The following ROBO2 variants were observed in gnomAD, a reference collection of about 807,000 sequenced individuals.
The protein encoded by ROBO2 is roundabout guidance receptor 2, also known as roundabout homolog 2.
In ROBO2, 53 loss-of-function variants were observed where a neutral mutation model predicts 160.8. That is an observed-to-expected ratio of 0.33 (90% confidence interval 0.26 to 0.41). ROBO2 has a LOEUF of 0.41. ROBO2 is among the 10% of genes least tolerant of loss of function. ROBO2 has a pLI of 1.00. For missense variants in ROBO2, 1,577 were observed against 1,722.4 expected (o/e 0.92, Z 1.49); for synonymous variants, 664 against 611.7 (o/e 1.09, Z -1.26).
At chr3:77,288,038 G>GA (rs1471819964) in intron 2 of ROBO2, among the ~76,000 whole-genome samples, 1 of 152,166 alleles carries the variant, frequency 6.6e-6, no homozygotes, top group Non-Finnish European at 1.5e-5. Context: ...TTAGGTTCAT[G>GA]AAAAACTCTT....
chr3:77,162,031 A>G (rs898501872), intron 2 of ROBO2, among the ~76,000 whole-genome samples: 1 of 152,222 alleles, frequency 6.6e-6, no homozygotes, highest in African/African-American at 2.4e-5. Context: ...AGCTATAGAT[A>G]TAATTCATCT....
chr3:76,163,949 C>T (rs1299316600), intron 2 of ROBO2, among the ~76,000 whole-genome samples: 2 of 152,124 alleles, frequency 1.3e-5, no homozygotes, highest in Non-Finnish European at 2.9e-5. Flanking sequence ...CCTTCTTTCA[C>T]AAAAGATTTC....
At chr3:76,333,601 A>C (rs1167228542) in intron 2 of ROBO2, among the ~76,000 whole-genome samples, 1 of 152,200 alleles carries the variant, frequency 6.6e-6, no homozygotes, top group Non-Finnish European at 1.5e-5. Context: ...AAAAGCATTC[A>C]ACCAGAATGG....
At chr3:76,781,836 G>A (rs1009473557) in intron 2 of ROBO2, among the ~76,000 whole-genome samples, 2 of 150,776 alleles carry the variant, frequency 1.3e-5, no homozygotes, top group African/African-American at 4.8e-5. Context: ...TTCTTGTAAT[G>A]TTCTTGCCCG....
intron 2 of ROBO2, among the ~76,000 whole-genome samples, chr3:76,928,274 T>C (rs756164369): frequency 9.9e-5 from 15 of 152,018 alleles, no homozygotes; most frequent in South Asian, 2.1e-4. Context: ...AGGGAACAAA[T>C]TCCCCCCAGA....
chr3:76,335,178 G>GTTTTTTTT (rs34963831), intron 2 of ROBO2, among the ~76,000 whole-genome samples: 22 of 77,868 alleles, frequency 2.8e-4, no homozygotes, highest in Non-Finnish European at 4.4e-4. Flanking sequence ...TTTCTGTTTT[G>GTTTTTTTT]TTTTTTTTTT....
intron 2 of ROBO2, among the ~76,000 whole-genome samples, chr3:76,528,871 G>A (rs913936921): frequency 6.6e-6 from 1 of 152,220 alleles, no homozygotes; most frequent in East Asian, 1.9e-4. Context: ...GAGGCAAAAT[G>A]CAAAGTGCAG....
chr3:76,040,030 G>A (rs949531755), intron 2 of ROBO2, among the ~76,000 whole-genome samples: 9 of 151,768 alleles, frequency 5.9e-5, no homozygotes, highest in Non-Finnish European at 1.3e-4. Flanking sequence ...GACTTCTTTT[G>A]TCTTCTTTTT....
At chr3:76,937,141 G>A (rs1483351713) in intron 2 of ROBO2, among the ~76,000 whole-genome samples, 1 of 152,054 alleles carries the variant, frequency 6.6e-6, no homozygotes, top group Non-Finnish European at 1.5e-5. Context: ...CTTTTGTCAC[G>A]TTTAATCTTT....
chr3:75,977,811 A>C (rs565358399), intron 2 of ROBO2, among the ~76,000 whole-genome samples: 1 of 151,526 alleles, frequency 6.6e-6, no homozygotes, highest in Non-Finnish European at 1.5e-5. Flanking sequence ...TATTTTCACT[A>C]TTTACAACTT....
At chr3:76,613,545 A>G (rs2088317357) in intron 2 of ROBO2, among the ~76,000 whole-genome samples, 1 of 151,990 alleles carries the variant, frequency 6.6e-6, no homozygotes, top group African/African-American at 2.4e-5. Flanking sequence ...ATTTAATTGT[A>G]AATACCTGTT....
intron 2 of ROBO2, among the ~76,000 whole-genome samples, chr3:76,953,101 A>AT (rs2079051878): frequency 6.6e-6 from 1 of 152,122 alleles, no homozygotes; most frequent in Non-Finnish European, 1.5e-5. Context: ...TTGAAAGTTG[A>AT]TTTTGATTTA....
intron 2 of ROBO2, among the ~76,000 whole-genome samples, chr3:76,055,317 A>C (rs2067801176): frequency 6.6e-6 from 1 of 152,182 alleles, no homozygotes; most frequent in Non-Finnish European, 1.5e-5. Flanking sequence ...GGCAGACCTT[A>C]TTAATTGTCA....
intron 2 of ROBO2, among the ~76,000 whole-genome samples, chr3:76,402,828 G>A (rs1025817494): frequency 6.6e-6 from 1 of 151,482 alleles, no homozygotes; most frequent in Non-Finnish European, 1.5e-5. Flanking sequence ...CCACTTTTAA[G>A]AACTCATCTG....
chr3:76,489,376 T>G (rs11706657), intron 2 of ROBO2, among the ~76,000 whole-genome samples: 13,256 of 152,114 alleles, frequency 0.087, 687 homozygotes, highest in Middle Eastern at 0.14. Context: ...GAGGAGAGCC[T>G]AGAGTTCTGA....
chr3:76,234,102 T>G (rs970712084), intron 2 of ROBO2, among the ~76,000 whole-genome samples: 1 of 152,212 alleles, frequency 6.6e-6, no homozygotes, highest in African/African-American at 2.4e-5. Flanking sequence ...GTTAGTTTGC[T>G]TAGGATAATG....
At chr3:76,341,881 G>A (rs1480697626) in intron 2 of ROBO2, among the ~76,000 whole-genome samples, 1 of 152,148 alleles carries the variant, frequency 6.6e-6, no homozygotes, top group Non-Finnish European at 1.5e-5. Context: ...TTTCACTATG[G>A]TGGAGACTTC....
intron 2 of ROBO2, among the ~76,000 whole-genome samples, chr3:76,781,052 A>G (rs1341339172): frequency 6.6e-6 from 1 of 150,654 alleles, no homozygotes. Flanking sequence ...ACAAATATGA[A>G]ATATTTTTCT....
At chr3:77,118,348 G>T (rs1187808109) in intron 2 of ROBO2, among the ~76,000 whole-genome samples, 1 of 152,186 alleles carries the variant, frequency 6.6e-6, no homozygotes, top group African/African-American at 2.4e-5. Flanking sequence ...AAAAATGAGG[G>T]AGATCAGATT....
Sources: allele counts gnomAD v4.1 joint callset (sites outside exome capture counted in the v4.1 genomes callset), GRCh38; gene constraint gnomAD v4.1.1; transcripts MANE v1.5; gene names NCBI Gene and HGNC (gene_info 2026-07-23, HGNC 2026-07-21).